TRPM7: variants seen among roughly 807,000 people sequenced by gnomAD.
TRPM7 encodes transient receptor potential cation channel subfamily M member 7, also known as LTRPC ion channel family member 7.
TRPM7 carries 134 observed loss-of-function variants against 229.7 expected under a neutral mutation model. The ratio of observed to expected loss-of-function variants is 0.58; its 90% CI spans 0.51 to 0.67. The LOEUF is 0.67. Among genes scored for constraint, TRPM7 ranks in the 30% least tolerant of loss-of-function variants. The pLI, the probability that TRPM7 is intolerant of heterozygous loss-of-function variation, is 0.00. For synonymous variants in TRPM7, 699 were observed against 715.2 expected (o/e 0.98, Z 0.36); for missense variants, 1,901 against 2,210.0 (o/e 0.86, Z 2.80).
chr15:50,583,222 C>A (rs2054511111), intron 28 of TRPM7, 63 bp from the exon 29 acceptor site: 1 of 1,197,314 alleles, frequency 8.4e-7, no homozygotes, highest in Non-Finnish European at 1.2e-6. Context: ...TACCAACTAA[C>A]CAAACACAAA....
chr15:50,593,742 G>C lies in TRPM7; in HGVS notation c.3483C>G (p.Phe1161Leu). Residue 1161 changes from phenylalanine (F) to leucine (L), a missense_variant, in exon 25 of 39, where the codon TTC becomes TTG. Phe to Leu is a conservative substitution (Grantham distance 22). Around this residue, in one of 8 missense-constraint regions of TRPM7, gnomAD observed 533 missense variants for 497.1 expected, o/e 1.07. Coordinates refer to ENST00000646667, the MANE Select transcript of TRPM7 (RefSeq NM_017672.6). ...GTTTCTTTTGATCTTCTTCTGTTAAGAAAAGTTCTATGGGAGGAAAAGGAG... is the reference window on the plus strand; with the variant it reads ...GTTTCTTTTGATCTTCTTCTGTTAACAAAAGTTCTATGGGAGGAAAAGGAG... The part of the protein sequence containing the change: ...KDKTSDGPKL[F>L]LTEEDQKKLH... 6.2e-7 allele frequency: 1 copy of C among 1,607,626 alleles called. No homozygotes were observed. Among genetic ancestry groups the C allele is most frequent in the Non-Finnish European group, 8.5e-7 (1 of 1,178,254 alleles).
At chr15:50,663,466 C>T (rs1217796954) in intron 1 of TRPM7, among the ~76,000 whole-genome samples, 1 of 152,056 alleles carries the variant, frequency 6.6e-6, no homozygotes, top group African/African-American at 2.4e-5. Context: ...ATTTACTTTT[C>T]ACTACATACC....
intron 31 of TRPM7, among the ~76,000 whole-genome samples, chr15:50,577,745 C>T (rs942729746): frequency 5.9e-5 from 9 of 152,126 alleles, no homozygotes; most frequent in Non-Finnish European, 2.9e-5. Context: ...ATATGTTTAT[C>T]AAACAACATG....
At chr15:50,651,568 A>T (rs1230865912) in intron 3 of TRPM7, among the ~76,000 whole-genome samples, 3 of 151,866 alleles carry the variant, frequency 2.0e-5, no homozygotes, top group African/African-American at 7.3e-5. Flanking sequence ...AGGCCGAGGC[A>T]GGTGGATTGC....
chr15:50,571,125 T>C (rs983092594), intron 36 of TRPM7, among the ~76,000 whole-genome samples: 4 of 152,104 alleles, frequency 2.6e-5, no homozygotes, highest in Non-Finnish European at 5.9e-5. Flanking sequence ...TTTAACCCAT[T>C]AGAGCAAAAT....
intron 20 of TRPM7, among the ~76,000 whole-genome samples, chr15:50,606,682 A>T (rs867842063): frequency 7.9e-5 from 12 of 151,952 alleles, no homozygotes; most frequent in Non-Finnish European, 1.3e-4. Flanking sequence ...TATTTTTAGT[A>T]GAGATGGGGT....
At chr15:50,679,538 A>ATATATTTTTTTTTTTT (rs1400383980) in intron 1 of TRPM7, among the ~76,000 whole-genome samples, 6 of 43,900 alleles carry the variant, frequency 1.4e-4, no homozygotes, top group African/African-American at 4.3e-4. Context: ...ATATATATAT[A>ATATATTTTTTTTTTTT]TTTTTTTTTT....
rs773386679 is a variant in TRPM7 at position 50,634,390 on chromosome 15, TTC to T, written c.997_998del (p.Glu333ArgfsTer7). ...TGTTGTCATACACTTACCCTCCTTC[TTC>T]TGTTTGTTTATGAATATACGCTAGC... ...DLLAYIHKQT[E>X]EGGNLPDAAE... is the part of the protein sequence containing the mutation. On this transcript the variant is annotated frameshift_variant, in exon 8 of 39. Coordinates refer to ENST00000646667, the MANE Select transcript of TRPM7 (RefSeq NM_017672.6). LOFTEE classifies it high-confidence loss of function. 1 of 1,557,538 alleles carries T rather than the reference TTC, an allele frequency of 6.4e-7. No homozygotes were observed. The highest frequency in any genetic ancestry group is 8.6e-7 in the Non-Finnish European group (1 of 1,157,984).
rs577310033 is a variant in TRPM7, at chr15:50,639,397, A to G, written c.660+27T>C. 144 of 1,540,266 alleles carry G rather than the reference A, an allele frequency of 9.3e-5. No individual in the cohort carries two copies. In the African/African-American group the frequency reaches 1.9e-3, roughly 20 times the overall value. ...ATTTTGTTTACATATAATTTCAAAC[A>G]TAAGAAATTTTAAAAATAATTCTTA... is the stretch of plus-strand genomic sequence containing the variant. On this transcript the variant is annotated intron_variant, in intron 6 of 38. Transcript: ENST00000646667.
At chr15:50,677,888 G>A (rs1338970407) in intron 1 of TRPM7, among the ~76,000 whole-genome samples, 1 of 151,150 alleles carries the variant, frequency 6.6e-6, no homozygotes, top group Non-Finnish European at 1.5e-5. Flanking sequence ...CAAATTAAAA[G>A]AAATTGCCTA....
intron 6 of TRPM7, 25 bp from the exon 7 acceptor site, chr15:50,637,618 T>C (rs1567057505): frequency 2.5e-6 from 4 of 1,599,224 alleles, no homozygotes; most frequent in Admixed American, 3.5e-5. Context: ...ACAAAAGAGT[T>C]AGTGAGCAGG....
At chr15:50,679,529 TATATATATA>T (rs1183070215) in intron 1 of TRPM7, among the ~76,000 whole-genome samples, 34 of 51,726 alleles carry the variant, frequency 6.6e-4, no homozygotes, top group African/African-American at 1.3e-3. Context: ...TATATATATA[TATATATATA>T]TTTTTTTTTT....
At chr15:50,650,994 C>T (rs1596307212) in intron 3 of TRPM7, among the ~76,000 whole-genome samples, 1 of 152,114 alleles carries the variant, frequency 6.6e-6, no homozygotes, top group African/African-American at 2.4e-5. Context: ...TTTAGACCAG[C>T]CCGGGCAACA....
At position 50,612,677 on chromosome 15, in the gene TRPM7, T is replaced by C. The variant is rs1279558696; in HGVS notation, c.1923A>G (p.Leu641=). 1.2e-6 allele frequency: 2 copies of C among 1,614,150 alleles called. No individual in the cohort carries two copies. The highest frequency in any genetic ancestry group is 2.2e-5 in the South Asian group (2 of 91,080). Reference sequence around the variant, plus strand: ...CCATTGATTCTTCACCATGTTGCCATAAAAAACGGGCCATGACCTGCCTCT... The same window carrying C: ...CCATTGATTCTTCACCATGTTGCCACAAAAAACGGGCCATGACCTGCCTCT... The part of the protein sequence containing the change: ...LMKRQVMARF[L]WQHGEESMAK... Residue 641 remains leucine, a synonymous_variant, in exon 16 of 39, where the codon TTA becomes TTG. Transcript: ENST00000646667.
intron 36 of TRPM7, 35 bp downstream of exon 36, chr15:50,574,239 A>T: frequency 6.5e-7 from 1 of 1,527,440 alleles, no homozygotes; most frequent in Non-Finnish European, 9.1e-7. Flanking sequence ...AACCTACTGC[A>T]GAATTTCACC....
At chr15:50,619,223 CTTT>C (rs71124388) in intron 13 of TRPM7, among the ~76,000 whole-genome samples, 4 of 137,246 alleles carry the variant, frequency 2.9e-5, no homozygotes, top group Admixed American at 7.4e-5. Flanking sequence ...GCTTTTTTTT[CTTT>C]TTTTTTTTTT....
At chr15:50,645,525 T>C (rs1031181473) in intron 4 of TRPM7, among the ~76,000 whole-genome samples, 2 of 152,016 alleles carry the variant, frequency 1.3e-5, no homozygotes, top group African/African-American at 4.8e-5. Context: ...AGAGACAGGG[T>C]TTTGCCATGT....
chr15:50,682,298 C>G (rs1219925005), intron 1 of TRPM7, among the ~76,000 whole-genome samples: 2 of 151,602 alleles, frequency 1.3e-5, no homozygotes, highest in South Asian at 2.1e-4. Context: ...GTTCTAAAAC[C>G]CCTACGTGGA....
intron 21 of TRPM7, 62 bp from the exon 22 acceptor site, chr15:50,599,358 A>G (rs2059716295): frequency 7.8e-7 from 1 of 1,279,544 alleles, no homozygotes; most frequent in Non-Finnish European, 1.1e-6. Context: ...AAATCTTTCT[A>G]AAAGCTTCTA....
Sources: gnomAD v4.1 joint callset for allele counts (sites outside exome capture counted in the v4.1 genomes callset) on GRCh38, gnomAD v4.1.1 for gene constraint, gnomAD v4.1.1 regional missense constraint, MANE v1.5 for transcripts, NCBI Gene and HGNC (gene_info 2026-07-23, HGNC 2026-07-21) for gene names.